Variants in SMYD3 observed in about 807,000 individuals in gnomAD.
SMYD3 encodes the protein SET and MYND domain containing 3.
In SMYD3, 36 loss-of-function variants were observed where a neutral mutation model predicts 57.7. The ratio of observed to expected loss-of-function variants is 0.62; its 90% CI spans 0.48 to 0.82. The LOEUF is 0.82. Among genes scored for constraint, SMYD3 ranks in the 40% least tolerant of loss-of-function variants. The pLI, the probability that SMYD3 is intolerant of heterozygous loss-of-function variation, is 0.00. For missense variants in SMYD3, 515 were observed against 538.8 expected, an observed-to-expected ratio of 0.96 and a Z score of 0.44; for synonymous variants, 211 against 195.0, an observed-to-expected ratio of 1.08 and a Z score of -0.68.
chr1:246,033,938 TG>T (rs1267014809), intron 5 of SMYD3, among the ~76,000 whole-genome samples: 2 of 152,232 alleles, frequency 1.3e-5, no homozygotes, highest in Non-Finnish European at 2.9e-5. Context: ...ATCTTACAAC[TG>T]TATATGAATC....
chr1:246,181,031 A>C (rs1322614526), intron 5 of SMYD3, among the ~76,000 whole-genome samples: 1 of 152,160 alleles, frequency 6.6e-6, no homozygotes, highest in Non-Finnish European at 1.5e-5. Context: ...TGATCATTTA[A>C]CTATGAAAAT....
At chr1:246,005,612 A>C (rs1489093039) in intron 5 of SMYD3, among the ~76,000 whole-genome samples, 7 of 152,250 alleles carry the variant, frequency 4.6e-5, no homozygotes, top group Non-Finnish European at 1.0e-4. Flanking sequence ...AAACAGGTCC[A>C]GTTTTCTGCA....
rs1018544384 is a variant in SMYD3, at chr1:245,844,726, G to T, written c.1076+13770C>A. On this transcript the variant is annotated intron_variant, in intron 10 of 11. Coordinates refer to ENST00000490107, the MANE Select transcript of SMYD3 (RefSeq NM_001167740.2). ...GAGAAGTCTTCTTTCTTAATAGTTC[G>T]AATGAAAGGCCAAGAACGGACGACC... 1.8e-4 allele frequency among the ~76,000 whole-genome samples: 25 copies of T among 135,468 alleles called. 1 individual carries two copies. The highest frequency in any genetic ancestry group is 7.8e-5 in the Non-Finnish European group (5 of 64,074). 88.9% of individuals were successfully genotyped at this position (135,468 alleles called of 152,430 possible).
At chr1:246,372,075 TAAGTA>T (rs969582823) in intron 1 of SMYD3, among the ~76,000 whole-genome samples, 1 of 152,226 alleles carries the variant, frequency 6.6e-6, no homozygotes, top group African/African-American at 2.4e-5. Context: ...GCCTAGTTCC[TAAGTA>T]AAGAAACCTT....
chr1:246,414,717 G>T (rs76540934), intron 1 of SMYD3, among the ~76,000 whole-genome samples: 22 of 123,346 alleles, frequency 1.8e-4, no homozygotes, highest in African/African-American at 5.2e-4. Context: ...TTTTTTGCTG[G>T]TTTTTTTTTT....
intron 5 of SMYD3, among the ~76,000 whole-genome samples, chr1:245,986,342 A>C (rs2058704747): frequency 6.6e-6 from 1 of 152,218 alleles, no homozygotes; most frequent in African/African-American, 2.4e-5. Context: ...AGGGAAGCAG[A>C]TACTTGAGAG....
In SMYD3 at chr1:246,041,617, T is replaced by C. The variant is rs148644659; in HGVS notation, c.532-111680A>G. ...GACCTGTAGTGGGTAAACTCAGCAA[T>C]GTTCATACTCTCTAAGTAGGTAACG... On this transcript the variant is annotated intron_variant, in intron 5 of 11. Transcript: ENST00000490107. Among the ~76,000 whole-genome samples, 555 of 152,242 alleles carry C rather than the reference T, an allele frequency of 3.6e-3. 2 individuals carry two copies. The highest frequency in any genetic ancestry group is 8.2e-3 in the Admixed American group (126 of 15,290).
At chr1:246,467,755 A>C (rs1198729283) in intron 1 of SMYD3, among the ~76,000 whole-genome samples, 2 of 152,252 alleles carry the variant, frequency 1.3e-5, no homozygotes. Context: ...TTCCAAACTC[A>C]TTCAAAAAAG....
At chr1:246,200,670 T>C (rs2062908969) in intron 5 of SMYD3, among the ~76,000 whole-genome samples, 2 of 152,224 alleles carry the variant, frequency 1.3e-5, no homozygotes, top group African/African-American at 2.4e-5. Context: ...AGACGCCCAC[T>C]GTAATAGAGA....
At chr1:245,997,757 C>T (rs910938080) in intron 5 of SMYD3, among the ~76,000 whole-genome samples, 6 of 152,152 alleles carry the variant, frequency 3.9e-5, no homozygotes, top group African/African-American at 7.2e-5. Context: ...GTCACGGCAG[C>T]GGACAGCACT....
intron 5 of SMYD3, among the ~76,000 whole-genome samples, chr1:246,311,974 A>G (rs1179002197): frequency 6.6e-6 from 1 of 152,226 alleles, no homozygotes; most frequent in Non-Finnish European, 1.5e-5. Context: ...TGACAATGCA[A>G]CGTGAAGGAA....
chr1:246,409,546 G>A (rs142628820), intron 1 of SMYD3, among the ~76,000 whole-genome samples: 61,860 of 151,928 alleles, frequency 0.41, 14,044 homozygotes, highest in Admixed American at 0.53. Context: ...TCTCTGTTTT[G>A]GTACCAGTAC....
At chr1:245,790,775 A>C (rs2047236023) in intron 10 of SMYD3, among the ~76,000 whole-genome samples, 1 of 152,210 alleles carries the variant, frequency 6.6e-6, no homozygotes, top group Non-Finnish European at 1.5e-5. Context: ...TATGGGTCAA[A>C]TTTGAGACTG....
chr1:246,339,711 C>A (rs1422440906), intron 2 of SMYD3, among the ~76,000 whole-genome samples: 2 of 152,196 alleles, frequency 1.3e-5, no homozygotes, highest in Admixed American at 6.5e-5. Context: ...GAAACGTAAT[C>A]CCCAGTGCAA....
At chr1:246,349,403 G>C (rs1047856413) in intron 2 of SMYD3, among the ~76,000 whole-genome samples, 1 of 151,960 alleles carries the variant, frequency 6.6e-6, no homozygotes, top group Non-Finnish European at 1.5e-5. Flanking sequence ...TTAGGAGTTC[G>C]AGACCAGCCT....
intron 1 of SMYD3, among the ~76,000 whole-genome samples, chr1:246,480,618 G>A (rs1228073636): frequency 2.6e-5 from 4 of 151,956 alleles, no homozygotes; most frequent in South Asian, 2.1e-4. Flanking sequence ...TGGCTCTTAC[G>A]TCTGCTCCCT....
intron 5 of SMYD3, among the ~76,000 whole-genome samples, chr1:246,255,989 C>T (rs868498292): frequency 2.4e-5 from 3 of 125,788 alleles, no homozygotes; most frequent in Non-Finnish European, 5.0e-5. Flanking sequence ...TAGATAGATA[C>T]ACACACACAT....
intron 5 of SMYD3, among the ~76,000 whole-genome samples, chr1:246,124,997 G>A (rs1017051887): frequency 2.6e-5 from 4 of 151,050 alleles, no homozygotes; most frequent in Non-Finnish European, 5.9e-5. Flanking sequence ...GTGTGAACCC[G>A]AGAGGCGGAG....
chr1:246,414,081 ATGT>A (rs2102989472), intron 1 of SMYD3, among the ~76,000 whole-genome samples: 2 of 152,326 alleles, frequency 1.3e-5, no homozygotes, highest in South Asian at 4.1e-4. Flanking sequence ...CAACACAGAA[ATGT>A]ATCCCTACAT....
Sources: allele counts gnomAD v4.1 joint callset (sites outside exome capture counted in the v4.1 genomes callset), GRCh38; gene constraint gnomAD v4.1.1; transcripts MANE v1.5; gene names NCBI Gene and HGNC (gene_info 2026-07-23, HGNC 2026-07-21).